Variants in SMC6 observed in about 807,000 individuals in gnomAD.
SMC6 encodes the protein structural maintenance of chromosomes protein 6.
SMC6 carries 79 observed loss-of-function variants against 142.2 expected under a neutral mutation model. The observed-to-expected ratio is 0.56, with a 90% CI of 0.46 to 0.67. SMC6 has a LOEUF of 0.67. Ranked by LOEUF, SMC6 falls within the 30% of genes least tolerant of loss-of-function variation. The pLI is 0.00. For synonymous variants in SMC6, 411 were observed against 412.4 expected, an observed-to-expected ratio of 1.00 and a Z score of 0.04; for missense variants, 1,072 against 1,284.0, an observed-to-expected ratio of 0.83 and a Z score of 2.52.
At chr2:17,733,538 A>G (rs181921107) in intron 5 of SMC6, among the ~76,000 whole-genome samples, 1 of 152,352 alleles carries the variant, frequency 6.6e-6, no homozygotes, top group Admixed American at 6.5e-5. Context: ...AATTGGGTGA[A>G]GGATATACAG....
intron 24 of SMC6, 43 bp from the exon 25 acceptor site, chr2:17,679,007 T>C (rs774593093): frequency 2.9e-6 from 4 of 1,392,566 alleles, no homozygotes; most frequent in African/African-American, 1.4e-5. Flanking sequence ...AGGGCAAAGG[T>C]TTTTTAAAAA....
In SMC6 at chr2:17,716,779, T is replaced by C; in HGVS notation, c.1308A>G (p.Gln436=). 1 of 1,613,280 alleles carries C rather than the reference T, an allele frequency of 6.2e-7. No individual in the cohort carries two copies. Among genetic ancestry groups the C allele is most frequent in the Non-Finnish European group, 8.5e-7 (1 of 1,179,726 alleles). ...GTTCTTCTTTGTCCTTTTCTATGGC[T>C]TGCTGAAACTGTTCGATCTCTTGAT... ...SVNQEIEQFQ[Q]AIEKDKEEHG... is the part of the protein sequence containing the mutation. The change falls in exon 14 of 28, where the codon CAA becomes CAG. Residue 436 remains glutamine (Q), a synonymous_variant. Transcript: ENST00000448223.
chr2:17,709,877 C>T (rs1436779467), intron 16 of SMC6, among the ~76,000 whole-genome samples: 4 of 152,050 alleles, frequency 2.6e-5, no homozygotes, highest in Admixed American at 6.6e-5. Flanking sequence ...GAAGAGCAAT[C>T]GCAAAGACCC....
chr2:17,683,315 AAATGCTT>A (rs1667314321), intron 24 of SMC6, among the ~76,000 whole-genome samples: 1 of 152,202 alleles, frequency 6.6e-6, no homozygotes, highest in South Asian at 2.1e-4. Context: ...AGTTCCTACC[AAATGCTT>A]GTATCCATTA....
chr2:17,697,189 A>G (rs141857963), intron 21 of SMC6, among the ~76,000 whole-genome samples: 7 of 152,184 alleles, frequency 4.6e-5, no homozygotes, highest in Non-Finnish European at 8.8e-5. Context: ...CTATTCAACA[A>G]TGTACTAAAG....
chr2:17,688,632 C>T (rs1334644839), intron 23 of SMC6, among the ~76,000 whole-genome samples: 2 of 152,084 alleles, frequency 1.3e-5, no homozygotes, highest in East Asian at 3.9e-4. Flanking sequence ...AAACAGAAAT[C>T]TGTGGAAACT....
In SMC6 at chr2:17,726,489, AT is replaced by A. The variant is rs1214465308; in HGVS notation, c.544-21del. The stretch of plus-strand genomic sequence containing the variant: ...ATCCACCTCAAACAAACAAAAAGTC[AT>A]TTTTGAATATTTTACTTTAATGCTT... On this transcript the variant is annotated intron_variant, in intron 7 of 27. Transcript: ENST00000448223. 6.3e-7 allele frequency: 1 copy of A among 1,582,516 alleles called. No homozygotes were observed.
intron 4 of SMC6, chr2:17,740,624 G>T (rs560256182): frequency 1.4e-5 from 5 of 349,808 alleles, no homozygotes; most frequent in African/African-American, 9.0e-5. Flanking sequence ...CGAAGCCGAG[G>T]TGGGCGGATC....
chr2:17,667,822 C>T (rs1666572351), intron 26 of SMC6, among the ~76,000 whole-genome samples: 1 of 152,082 alleles, frequency 6.6e-6, no homozygotes, highest in African/African-American at 2.4e-5. Flanking sequence ...TGCACTCCAG[C>T]CTGGGTAACA....
At chr2:17,726,087 T>TAAAAAAAAAA (rs35471536) in intron 8 of SMC6, among the ~76,000 whole-genome samples, 880 of 54,956 alleles carry the variant, frequency 0.016, 74 homozygotes, top group African/African-American at 0.042. Context: ...GGCTCTGTCT[T>TAAAAAAAAAA]AAAAAAAAAA....
intron 8 of SMC6, 66 bp from the exon 9 acceptor site, chr2:17,725,424 A>C: frequency 8.9e-7 from 1 of 1,126,928 alleles, no homozygotes; most frequent in Non-Finnish European, 1.2e-6. Flanking sequence ...TGTTAAAAAG[A>C]AAAAGAAAAA....
chr2:17,684,420 T>C (rs1240711286), intron 23 of SMC6, among the ~76,000 whole-genome samples: 2 of 152,150 alleles, frequency 1.3e-5, no homozygotes, highest in Non-Finnish European at 2.9e-5. Context: ...CAGATATTTA[T>C]GGGGAAAATA....
At chr2:17,726,566 T>C (rs956032462) in intron 7 of SMC6, 97 bp from the exon 8 acceptor site, 24 of 927,012 alleles carry the variant, frequency 2.6e-5, no homozygotes, top group Non-Finnish European at 3.6e-5. Flanking sequence ...TATGGTGCCA[T>C]CAGGAAGGCC....
chr2:17,711,463 T>C (rs1572309197), intron 16 of SMC6, among the ~76,000 whole-genome samples: 2 of 152,254 alleles, frequency 1.3e-5, no homozygotes, highest in African/African-American at 4.8e-5. Context: ...TCAAGTATAA[T>C]AGGCCTCACT....
At chr2:17,740,683 C>T (rs73618528) in intron 4 of SMC6, 16 of 430,886 alleles carry the variant, frequency 3.7e-5, no homozygotes, top group East Asian at 7.8e-5. Context: ...GGTGAAACCC[C>T]GTCTCTACTA....
chr2:17,707,178 A>C, intron 18 of SMC6, 41 bp downstream of exon 18: 1 of 1,400,362 alleles, frequency 7.1e-7, no homozygotes, highest in Non-Finnish European at 9.4e-7. Context: ...CCCCCAAGGA[A>C]GCAGTGGGAA....
intron 23 of SMC6, among the ~76,000 whole-genome samples, chr2:17,693,228 G>A (rs1394674899): frequency 2.0e-5 from 3 of 152,134 alleles, no homozygotes; most frequent in Non-Finnish European, 4.4e-5. Flanking sequence ...TATAAAACAT[G>A]CTGCTATAAA....
At chr2:17,751,344 G>A (rs1437292907) in intron 2 of SMC6, among the ~76,000 whole-genome samples, 1 of 151,902 alleles carries the variant, frequency 6.6e-6, no homozygotes, top group Non-Finnish European at 1.5e-5. Context: ...GCCAAGTGTG[G>A]TGGTGCATGC....
intron 7 of SMC6, among the ~76,000 whole-genome samples, chr2:17,728,278 G>T (rs1572339124): frequency 6.6e-6 from 1 of 151,982 alleles, no homozygotes; most frequent in Middle Eastern, 3.4e-3. Context: ...TCTACAAAAA[G>T]TACAAAAATT....
Sources: allele counts gnomAD v4.1 joint callset (sites outside exome capture counted in the v4.1 genomes callset), GRCh38; gene constraint gnomAD v4.1.1; transcripts MANE v1.5; gene names NCBI Gene and HGNC (gene_info 2026-07-23, HGNC 2026-07-21).